PRKCB: variants seen among roughly 807,000 people sequenced by gnomAD.
PRKCB encodes the protein protein kinase C beta, also known as protein kinase C beta type.
A neutral mutation model predicts 81.5 loss-of-function variants in PRKCB; 13 were observed. The ratio of observed to expected loss-of-function variants is 0.16; its 90% CI spans 0.10 to 0.25. The LOEUF is 0.25. PRKCB is among the 10% of genes least tolerant of loss of function. The pLI, the probability that PRKCB is intolerant of heterozygous loss-of-function variation, is 1.00. For synonymous variants in PRKCB, 335 were observed against 321.4 expected, an observed-to-expected ratio of 1.04 and a Z score of -0.45; for missense variants, 509 against 875.7, an observed-to-expected ratio of 0.58 and a Z score of 5.29.
chr16:23,837,553 G>A (rs892646211), intron 2 of PRKCB, 147 bp downstream of exon 2: 21 of 1,009,314 alleles, frequency 2.1e-5, no homozygotes, highest in Middle Eastern at 2.3e-4. Flanking sequence ...CCACAACAGG[G>A]TCCTTTCAAG....
chr16:24,158,526 A>AT (rs1306707165), intron 10 of PRKCB, among the ~76,000 whole-genome samples: 3 of 145,524 alleles, frequency 2.1e-5, no homozygotes, highest in Non-Finnish European at 4.5e-5. Context: ...TTTTAAAAAA[A>AT]CATGTATATG....
intron 16 of PRKCB, among the ~76,000 whole-genome samples, chr16:24,207,720 A>G (rs550753810): frequency 3.3e-5 from 5 of 152,172 alleles, no homozygotes; most frequent in African/African-American, 1.2e-4. Context: ...CTGTATTTTG[A>G]TGGGGTAAAT....
rs919959518 is a variant in PRKCB at position 24,220,339 on chromosome 16, C to T, written c.*5523C>T. On this transcript the variant is annotated 3_prime_UTR_variant, in exon 17 of 17. Transcript: ENST00000643927. ...TATCCAATTATAGAGGTACAATTTT[C>T]CAAACTTCCAGAAACTCATCAAATG... 2.3e-6 allele frequency: 1 copy of T among 429,634 alleles called. No individual in the cohort carries two copies. The highest frequency in any genetic ancestry group is 4.0e-6 in the Non-Finnish European group (1 of 251,022). The allele number at this position is 429,634 out of a possible 1,614,324, so 26.6% of individuals were successfully genotyped here.
At position 24,067,890 on chromosome 16, in the gene PRKCB, C is replaced by G. The variant is rs144943582; in HGVS notation, c.530-24901C>G. The stretch of plus-strand genomic sequence containing the variant: ...GCTGAGGCACGAGAATCACTTGAAC[C>G]TGGGAGGCGGAGGTTACAGTGAGCC... On this transcript the variant is annotated intron_variant, in intron 5 of 16. Coordinates refer to ENST00000643927, the MANE Select transcript of PRKCB (RefSeq NM_002738.7). Among the ~76,000 whole-genome samples the G allele has an allele frequency of 4.0e-5, 6 of 150,434 alleles. No individual in the cohort carries two copies. The East Asian group carries it at 1.2e-3, about 30-fold the overall frequency.
intron 10 of PRKCB, among the ~76,000 whole-genome samples, chr16:24,169,054 C>G (rs925220209): frequency 6.6e-6 from 1 of 152,002 alleles, no homozygotes; most frequent in African/African-American, 2.4e-5. Context: ...GCCCCTCAGT[C>G]AGTCTGTTAG....
rs111823640 is a variant in PRKCB, at chr16:23,896,794, T to G, written c.205+59388T>G. Among the ~76,000 whole-genome samples the G allele has an allele frequency of 8.3e-3, 1,266 of 152,316 alleles. 19 individuals are homozygous for G. The highest frequency in any genetic ancestry group is 0.048 in the Middle Eastern group (14 of 294). On this transcript the variant is annotated intron_variant, in intron 2 of 16. Transcript: ENST00000643927. ...TTTGAATTAAAGGAATGCACACAAG[T>G]GAAGTTAATCTCTTATAGGCAAAAC...
chr16:24,069,245 C>T (rs148149167), intron 5 of PRKCB, among the ~76,000 whole-genome samples: 6 of 152,190 alleles, frequency 3.9e-5, no homozygotes, highest in African/African-American at 1.4e-4. Context: ...CAGGAGGTGC[C>T]GTGTTAGAGG....
chr16:24,188,961 A>G (rs1237596654), intron 15 of PRKCB, among the ~76,000 whole-genome samples: 1 of 152,188 alleles, frequency 6.6e-6, no homozygotes, highest in African/African-American at 2.4e-5. Flanking sequence ...TACTCAGTAC[A>G]CGGAAGCCGT....
chr16:23,955,087 A>G (rs140549728), intron 2 of PRKCB, among the ~76,000 whole-genome samples: 48 of 152,236 alleles, frequency 3.2e-4, no homozygotes, highest in Admixed American at 7.2e-4. Context: ...AAAATTACAC[A>G]CAGGTGTGTG....
At chr16:23,924,368 T>C (rs1963868104) in intron 2 of PRKCB, among the ~76,000 whole-genome samples, 1 of 152,064 alleles carries the variant, frequency 6.6e-6, no homozygotes, top group South Asian at 2.1e-4. Context: ...AGTATCAAGA[T>C]AGCAGTGTGA....
rs191365585 is a variant in PRKCB, at chr16:24,120,193, G to A, written c.919-3642G>A. On this transcript the variant is annotated intron_variant, in intron 8 of 16. Transcript: ENST00000643927. ...CTGGAACAGAGATTGCCTTAGTGGC[G>A]GGGGTTGCGGGGGGCGTCGACTGGG... is the stretch of plus-strand genomic sequence containing the variant. Among the ~76,000 whole-genome samples the A allele has an allele frequency of 7.7e-4, 118 of 152,276 alleles. 1 individual carries two copies. Among genetic ancestry groups the A allele is most frequent in the Non-Finnish European group, 1.4e-3 (98 of 68,024 alleles).
At chr16:24,159,979 T>C (rs1450587126) in intron 10 of PRKCB, among the ~76,000 whole-genome samples, 1 of 152,092 alleles carries the variant, frequency 6.6e-6, no homozygotes, top group African/African-American at 2.4e-5. Flanking sequence ...ACTGATACTT[T>C]GTCTCAAAAA....
intron 15 of PRKCB, 29 bp downstream of exon 15, chr16:24,185,596 G>A: frequency 6.3e-7 from 1 of 1,576,546 alleles, no homozygotes; most frequent in Non-Finnish European, 8.7e-7. Context: ...GCTGTGACCA[G>A]GACCACCACA....
intron 3 of PRKCB, among the ~76,000 whole-genome samples, chr16:24,023,696 C>T (rs1453939991): frequency 6.6e-6 from 1 of 152,124 alleles, no homozygotes; most frequent in Non-Finnish European, 1.5e-5. Flanking sequence ...ACCTGCATGC[C>T]CTGGCACTAC....
chr16:24,043,653 T>C (rs561227829), intron 5 of PRKCB, among the ~76,000 whole-genome samples: 11 of 152,250 alleles, frequency 7.2e-5, no homozygotes, highest in African/African-American at 2.4e-4. Context: ...GAAGCTGACG[T>C]CTTGCTATTC....
chr16:24,192,002 G>A (rs1245164894), intron 16 of PRKCB, among the ~76,000 whole-genome samples: 1 of 152,198 alleles, frequency 6.6e-6, no homozygotes, highest in Non-Finnish European at 1.5e-5. Flanking sequence ...ATTAAATAGA[G>A]GGCAGACTTG....
intron 10 of PRKCB, among the ~76,000 whole-genome samples, chr16:24,156,709 A>T (rs1967165701): frequency 6.6e-6 from 1 of 152,244 alleles, no homozygotes; most frequent in Admixed American, 6.5e-5. Context: ...TAACCTTACT[A>T]GTCCAAATCT....
chr16:24,006,771 A>G lies in PRKCB; in HGVS notation c.288+18181A>G, dbSNP rs182539004. The stretch of plus-strand genomic sequence containing the variant: ...TCGGGCTTTTAAAATGTTCTTTCAA[A>G]GACTAAACGCTGTGGGGGTAGGATG... On this transcript the variant is annotated intron_variant, in intron 3 of 16. Transcript: ENST00000643927. Among the ~76,000 whole-genome samples, 70 of 151,812 alleles carry G rather than the reference A, an allele frequency of 4.6e-4. 1 individual carries two copies. The East Asian group carries it at 0.012, about 27-fold the overall frequency.
intron 2 of PRKCB, among the ~76,000 whole-genome samples, chr16:23,872,796 CATT>C (rs1326076428): frequency 1.3e-5 from 2 of 151,732 alleles, no homozygotes; most frequent in African/African-American, 4.8e-5. Context: ...CTCCTGCTGC[CATT>C]ATTATTATTA....
Sources: gnomAD v4.1 joint callset for allele counts (sites outside exome capture counted in the v4.1 genomes callset) on GRCh38, gnomAD v4.1.1 for gene constraint, MANE v1.5 for transcripts, NCBI Gene and HGNC (gene_info 2026-07-23, HGNC 2026-07-21) for gene names.